Variants in TMEM132D observed in about 807,000 individuals in gnomAD.
TMEM132D encodes the protein transmembrane protein 132D.
In TMEM132D, 21 loss-of-function variants were observed where a neutral mutation model predicts 62.3. The ratio of observed to expected loss-of-function variants is 0.34; its 90% confidence interval spans 0.24 to 0.49. The LOEUF is 0.49. TMEM132D is among the 20% of genes least tolerant of loss of function. The pLI, the probability that TMEM132D is intolerant of heterozygous loss-of-function variation, is 0.99. For missense variants in TMEM132D, 1,346 were observed against 1,402.8 expected (o/e 0.96, Z 0.65); for synonymous variants, 621 against 575.6 (o/e 1.08, Z -1.13).
chr12:129,798,903 T>C (rs1369611456), intron 1 of TMEM132D, among the ~76,000 whole-genome samples: 1 of 152,242 alleles, frequency 6.6e-6, no homozygotes, highest in Non-Finnish European at 1.5e-5. Flanking sequence ...TTTTGCTTGG[T>C]ATGCACAAGA....
intron 2 of TMEM132D, among the ~76,000 whole-genome samples, chr12:129,532,029 T>G (rs1320083555): frequency 1.3e-5 from 2 of 152,026 alleles, no homozygotes; most frequent in African/African-American, 2.4e-5. Context: ...GCACTCCAGT[T>G]TGGGTGACAA....
chr12:129,712,949 G>A (rs1221853719), intron 1 of TMEM132D, among the ~76,000 whole-genome samples: 1 of 152,144 alleles, frequency 6.6e-6, no homozygotes, highest in East Asian at 1.9e-4. Flanking sequence ...GTGCCATCAT[G>A]GGAGCCTGGA....
intron 3 of TMEM132D, among the ~76,000 whole-genome samples, chr12:129,411,712 A>T (rs971470701): frequency 2.0e-5 from 3 of 152,066 alleles, no homozygotes; most frequent in African/African-American, 7.2e-5. Flanking sequence ...CTGAGCCATA[A>T]CCTTCTCTGA....
In TMEM132D at chr12:129,903,457, G is replaced by C. The variant is rs1875440011; in HGVS notation, c.-118C>G. The C allele has an allele frequency of 1.8e-6, 2 of 1,092,494 alleles. No homozygotes were observed. Among genetic ancestry groups the C allele is most frequent in the Non-Finnish European group, 2.7e-6 (2 of 754,340 alleles). The allele number at this position is 1,092,494 out of a possible 1,614,324, so 67.7% of individuals were successfully genotyped here. ...GGTGGCGAGGGAGCGCCCGGCTAGGGGCCCGAGCAGCCCGGGCGCCCTGCT... is the reference window on the plus strand; with the variant it reads ...GGTGGCGAGGGAGCGCCCGGCTAGGCGCCCGAGCAGCCCGGGCGCCCTGCT... On this transcript the variant is annotated 5_prime_UTR_variant, in exon 1 of 9. Coordinates refer to ENST00000422113, the MANE Select transcript of TMEM132D (RefSeq NM_133448.3). This position sits in a 1 kb window ranked among gnomAD's most constrained non-coding sequence, Gnocchi z 6.2.
intron 2 of TMEM132D, among the ~76,000 whole-genome samples, chr12:129,634,819 C>T (rs1486633274): frequency 6.6e-6 from 1 of 151,848 alleles, no homozygotes; most frequent in Admixed American, 6.6e-5. Context: ...TTAAAATTTG[C>T]CTTATAGTTT....
At chr12:129,610,605 G>A (rs2137150840) in intron 2 of TMEM132D, among the ~76,000 whole-genome samples, 1 of 152,234 alleles carries the variant, frequency 6.6e-6, no homozygotes, top group South Asian at 2.1e-4. Context: ...CCACCGTCCA[G>A]CCAACTGGCT....
intron 3 of TMEM132D, among the ~76,000 whole-genome samples, chr12:129,408,638 T>A (rs1303460799): frequency 6.6e-6 from 1 of 152,068 alleles, no homozygotes; most frequent in Non-Finnish European, 1.5e-5. Context: ...AAAAAAATGC[T>A]CCAAGTCCAT....
intron 6 of TMEM132D, among the ~76,000 whole-genome samples, chr12:129,083,520 C>A (rs1874518450): frequency 6.6e-6 from 1 of 152,198 alleles, no homozygotes; most frequent in Non-Finnish European, 1.5e-5. Flanking sequence ...ACCCCAGAGA[C>A]TGAGAAAGAA....
rs547484352 is a variant in TMEM132D at position 129,843,429 on chromosome 12, T to G, written c.79+59832A>C. Among the ~76,000 whole-genome samples, 4 of 152,262 alleles carry G rather than the reference T, an allele frequency of 2.6e-5. No individual in the cohort carries two copies. The South Asian group carries it at 8.3e-4, about 32-fold the overall frequency. On this transcript the variant is annotated intron_variant, in intron 1 of 8. Coordinates refer to ENST00000422113, the MANE Select transcript of TMEM132D (RefSeq NM_133448.3). ...CACCCCATAAGTGATCATAATTGCA[T>G]CGAATCACAAGACATAAATCAAACA...
At chr12:129,168,959 G>A (rs1463676324) in intron 5 of TMEM132D, among the ~76,000 whole-genome samples, 11 of 152,198 alleles carry the variant, frequency 7.2e-5, no homozygotes, top group Admixed American at 7.2e-4. Flanking sequence ...GGCCGATAGA[G>A]GGACTAGAGC....
chr12:129,818,968 G>A (rs773575617), intron 1 of TMEM132D, among the ~76,000 whole-genome samples: 1 of 151,808 alleles, frequency 6.6e-6, no homozygotes, highest in Non-Finnish European at 1.5e-5. Context: ...CCAGGAGGTC[G>A]AGGCTGCAGT....
At chr12:129,760,533 C>T (rs4373977) in intron 1 of TMEM132D, among the ~76,000 whole-genome samples, 49,221 of 151,150 alleles carry the variant, frequency 0.33, 8,373 homozygotes, top group African/African-American at 0.44. Context: ...GTATTTTTAG[C>T]AGAGATGGGG....
At chr12:129,706,445 G>A (rs1419659949) in intron 1 of TMEM132D, among the ~76,000 whole-genome samples, 1 of 151,946 alleles carries the variant, frequency 6.6e-6, no homozygotes, top group Non-Finnish European at 1.5e-5. Context: ...TGCATAAATA[G>A]TTGTAGATAT....
At chr12:129,632,743 C>A (rs1388656685) in intron 2 of TMEM132D, among the ~76,000 whole-genome samples, 1 of 152,228 alleles carries the variant, frequency 6.6e-6, no homozygotes, top group African/African-American at 2.4e-5. Context: ...CACGAGCTCC[C>A]TCTCCGCATC....
At position 129,320,192 on chromosome 12, in the gene TMEM132D, A is replaced by C. The variant is rs77703437; in HGVS notation, c.1299+17442T>G. On this transcript the variant is annotated intron_variant, in intron 4 of 8. Transcript: ENST00000422113. ...GTCTAGTTCAACTCTCTTCTTTGTC[A>C]ATCCATACCTGGAACACCATTTTCA... 7.2e-3 allele frequency among the ~76,000 whole-genome samples: 1,098 copies of C among 152,318 alleles called. 7 individuals carry two copies. Among genetic ancestry groups the C allele is most frequent in the Non-Finnish European group, 7.7e-3 (526 of 68,034 alleles).
chr12:129,398,848 A>G (rs566850807), intron 3 of TMEM132D, among the ~76,000 whole-genome samples: 12,101 of 151,834 alleles, frequency 0.08, 1,145 homozygotes, highest in African/African-American at 0.24. Context: ...CCATCCATCC[A>G]TCCATCCATC....
chr12:129,530,337 A>G (rs963523369), intron 3 of TMEM132D, among the ~76,000 whole-genome samples: 1 of 147,418 alleles, frequency 6.8e-6, no homozygotes, highest in Non-Finnish European at 1.5e-5. Context: ...GAAATTTTCA[A>G]TAGAATCCTG....
chr12:129,403,361 A>G (rs1390445118), intron 3 of TMEM132D, among the ~76,000 whole-genome samples: 3 of 150,932 alleles, frequency 2.0e-5, no homozygotes, highest in East Asian at 3.9e-4. Flanking sequence ...GAATACACAC[A>G]TAACTCGCTG....
At chr12:129,661,554 T>C (rs1237372298) in intron 2 of TMEM132D, among the ~76,000 whole-genome samples, 3 of 152,184 alleles carry the variant, frequency 2.0e-5, no homozygotes, top group African/African-American at 7.2e-5. Flanking sequence ...CTAACTACTG[T>C]CCACATCTAA....
Sources: gnomAD v4.1 joint callset for allele counts (sites outside exome capture counted in the v4.1 genomes callset) on GRCh38, gnomAD v4.1.1 for gene constraint, Gnocchi (gnomAD v3.1) non-coding constraint, MANE v1.5 for transcripts, NCBI Gene and HGNC (gene_info 2026-07-23, HGNC 2026-07-21) for gene names.